The following ANKFN1 variants were observed in gnomAD, a reference collection of about 807,000 sequenced individuals.
The protein encoded by ANKFN1 is ankyrin repeat and fibronectin type III domain containing 1, also known as ankyrin repeat and fibronectin type-III domain-containing protein 1.
Under a neutral mutation model 108.7 loss-of-function variants are expected in ANKFN1, and 74 were observed. The observed-to-expected ratio is 0.68, with a 90% CI of 0.56 to 0.83. ANKFN1 has a LOEUF of 0.83. Ranked by LOEUF, ANKFN1 falls within the 40% of genes least tolerant of loss-of-function variation. ANKFN1 has a pLI of 0.00. For missense variants in ANKFN1, 1,505 were observed against 1,382.3 expected, an observed-to-expected ratio of 1.09 and a Z score of -1.41; for synonymous variants, 547 against 516.2, an observed-to-expected ratio of 1.06 and a Z score of -0.81.
intron 3 of ANKFN1, among the ~76,000 whole-genome samples, chr17:56,298,159 G>T (rs1225474529): frequency 6.6e-6 from 1 of 152,166 alleles, no homozygotes; most frequent in Non-Finnish European, 1.5e-5. Flanking sequence ...GTGAATTGAT[G>T]TGTGTTAAAT....
At chr17:56,086,228 GA>G (rs1905312454) in intron 4 of ANKFN1, among the ~76,000 whole-genome samples, 1 of 150,688 alleles carries the variant, frequency 6.6e-6, no homozygotes, top group Admixed American at 6.6e-5. Context: ...CCAACATGGT[GA>G]AATCATCTCT....
At chr17:56,303,270 A>G (rs1352722508) in intron 3 of ANKFN1, among the ~76,000 whole-genome samples, 1 of 152,194 alleles carries the variant, frequency 6.6e-6, no homozygotes, top group Non-Finnish European at 1.5e-5. Context: ...CCTTTTATTT[A>G]TTATTACATT....
At chr17:56,488,995 G>A (rs551877814) in intron 18 of ANKFN1, among the ~76,000 whole-genome samples, 206 of 152,322 alleles carry the variant, frequency 1.4e-3, no homozygotes, top group Non-Finnish European at 2.2e-3. Context: ...ATCCTAGGTA[G>A]GCATTATAAT....
chr17:56,088,421 G>A (rs1289721013), intron 4 of ANKFN1, among the ~76,000 whole-genome samples: 2 of 151,310 alleles, frequency 1.3e-5, no homozygotes, highest in South Asian at 2.1e-4. Flanking sequence ...CATGAAGATG[G>A]CTGGTGGCTC....
chr17:56,516,090 TC>T lies in ANKFN1; in HGVS notation c.*4822del, dbSNP rs2051908177. On this transcript the variant is annotated 3_prime_UTR_variant, in exon 21 of 21. Transcript: ENST00000682825. ...ATGCCATGAAAGTCTGAATATACTT[TC>T]ACAGTAATCACCCTCCAGTGACTGA... Among the ~76,000 whole-genome samples, 1 of 152,192 alleles carries T rather than the reference TC, an allele frequency of 6.6e-6. No homozygotes were observed. The highest frequency in any genetic ancestry group is 2.1e-4 in the South Asian group (1 of 4,828).
At chr17:56,194,219 C>T (rs1361314130) in intron 1 of ANKFN1, among the ~76,000 whole-genome samples, 1 of 152,182 alleles carries the variant, frequency 6.6e-6, no homozygotes, top group Non-Finnish European at 1.5e-5. Context: ...TCTTACAAGA[C>T]CGAACATACT....
At chr17:56,239,594 C>T (rs1477204957) in intron 3 of ANKFN1, among the ~76,000 whole-genome samples, 10 of 152,148 alleles carry the variant, frequency 6.6e-5, no homozygotes, top group Admixed American at 6.6e-5. Context: ...TCTGGGGCCT[C>T]ATGGTATCAC....
chr17:56,376,664 C>A (rs540959592), intron 8 of ANKFN1, among the ~76,000 whole-genome samples: 2 of 152,116 alleles, frequency 1.3e-5, no homozygotes, highest in African/African-American at 4.8e-5. Flanking sequence ...CCCACAATGC[C>A]GGCAAATTCT....
At chr17:56,265,274 C>T (rs986930274) in intron 3 of ANKFN1, among the ~76,000 whole-genome samples, 4 of 152,080 alleles carry the variant, frequency 2.6e-5, no homozygotes, top group Admixed American at 6.6e-5. Context: ...CTGGAGAGGA[C>T]TCAGGAAACT....
intron 15 of ANKFN1, among the ~76,000 whole-genome samples, chr17:56,469,771 A>C (rs1477432493): frequency 1.7e-5 from 2 of 117,356 alleles, no homozygotes; most frequent in Non-Finnish European, 3.6e-5. Context: ...TATGTCTCAG[A>C]AAATTTTTTT....
intron 3 of ANKFN1, among the ~76,000 whole-genome samples, chr17:56,286,697 C>T (rs1204173246): frequency 6.6e-6 from 1 of 152,108 alleles, no homozygotes; most frequent in Non-Finnish European, 1.5e-5. Flanking sequence ...CATAGCATGA[C>T]TTCCACCATA....
At chr17:56,169,374 C>T (rs1433021903) in intron 1 of ANKFN1, among the ~76,000 whole-genome samples, 1 of 152,066 alleles carries the variant, frequency 6.6e-6, no homozygotes, top group Non-Finnish European at 1.5e-5. Flanking sequence ...TGGGCTGAAG[C>T]AATCCTCCTA....
At chr17:56,054,075 T>A (rs1487812926) in intron 4 of ANKFN1, among the ~76,000 whole-genome samples, 1 of 152,154 alleles carries the variant, frequency 6.6e-6, no homozygotes. Context: ...AAAAAATAGA[T>A]GTTGGCTTGG....
rs563386287 is a variant in ANKFN1 at position 56,180,185 on chromosome 17, C to G, written c.-71+26655C>G. ...CTGCTCCAAGAGAGAAGTGTAGTTA[C>G]TCTGATAGTTCACTAGACCACATTT... is the stretch of plus-strand genomic sequence containing the variant. On this transcript the variant is annotated intron_variant, in intron 1 of 20. Transcript: ENST00000682825. Among the ~76,000 whole-genome samples the G allele has an allele frequency of 2.0e-5, 3 of 152,154 alleles. No homozygotes were observed. The South Asian group carries it at 6.2e-4, about 32-fold the overall frequency.
intron 1 of ANKFN1, among the ~76,000 whole-genome samples, chr17:56,168,532 G>C (rs1483915409): frequency 1.3e-5 from 2 of 152,046 alleles, no homozygotes; most frequent in African/African-American, 2.4e-5. Flanking sequence ...TTTTTCATAG[G>C]CTATTTTAAA....
chr17:56,422,098 C>T (rs1270057026), intron 8 of ANKFN1, among the ~76,000 whole-genome samples: 2 of 152,012 alleles, frequency 1.3e-5, no homozygotes, highest in Admixed American at 1.3e-4. Context: ...TAATTTTATC[C>T]AAATGTATAT....
chr17:56,291,994 G>GT (rs1193151977), intron 3 of ANKFN1, among the ~76,000 whole-genome samples: 1 of 152,080 alleles, frequency 6.6e-6, no homozygotes, highest in Non-Finnish European at 1.5e-5. Flanking sequence ...TGCACCTTTC[G>GT]TATCTCCCAA....
At chr17:56,162,268 G>A (rs1909724901) in intron 1 of ANKFN1, among the ~76,000 whole-genome samples, 2 of 152,142 alleles carry the variant, frequency 1.3e-5, no homozygotes, top group African/African-American at 4.8e-5. Context: ...TATTTGCTTA[G>A]GGCCGCCTCA....
intron 3 of ANKFN1, among the ~76,000 whole-genome samples, chr17:56,236,519 A>C (rs534857271): frequency 5.9e-5 from 9 of 152,134 alleles, no homozygotes; most frequent in Non-Finnish European, 8.8e-5. Flanking sequence ...TAGGAATACT[A>C]GTGGTTTTTG....
Sources: gnomAD v4.1 joint callset for allele counts (sites outside exome capture counted in the v4.1 genomes callset) on GRCh38, gnomAD v4.1.1 for gene constraint, MANE v1.5 for transcripts, NCBI Gene and HGNC (gene_info 2026-07-23, HGNC 2026-07-21) for gene names.